The following MYO9B variants were observed in gnomAD, a reference collection of about 807,000 sequenced individuals.
MYO9B encodes unconventional myosin-IXb.
Under a neutral mutation model 229.5 loss-of-function variants are expected in MYO9B, and 71 were observed. The observed-to-expected ratio is 0.31, with a 90% CI of 0.26 to 0.38. MYO9B has a LOEUF of 0.38. MYO9B is among the 10% of genes least tolerant of loss of function. The pLI is 1.00. For synonymous variants in MYO9B, 1,185 were observed against 1,235.8 expected, an observed-to-expected ratio of 0.96 and a Z score of 0.86; for missense variants, 2,255 against 2,920.5, an observed-to-expected ratio of 0.77 and a Z score of 5.25.
intron 2 of MYO9B, among the ~76,000 whole-genome samples, chr19:17,105,066 C>T (rs936938983): frequency 9.2e-5 from 14 of 152,200 alleles, no homozygotes; most frequent in African/African-American, 3.4e-4. Context: ...CCTCCATGAC[C>T]TTTGGCAGCC....
At chr19:17,169,987 GC>G (rs1420061959) in intron 11 of MYO9B, among the ~76,000 whole-genome samples, 1 of 151,624 alleles carries the variant, frequency 6.6e-6, no homozygotes, top group African/African-American at 2.4e-5. Flanking sequence ...GATCACAGGT[GC>G]CTTGCCACCA....
intron 2 of MYO9B, among the ~76,000 whole-genome samples, chr19:17,143,153 C>T (rs1365208635): frequency 2.6e-5 from 4 of 152,024 alleles, no homozygotes; most frequent in South Asian, 2.1e-4. Flanking sequence ...GCACGAGAAT[C>T]GCTTGAACCC....
chr19:17,170,988 A>AT (rs75472839), intron 11 of MYO9B, among the ~76,000 whole-genome samples: 9 of 150,340 alleles, frequency 6.0e-5, no homozygotes, highest in Non-Finnish European at 1.2e-4. Context: ...TCATCATGGA[A>AT]TTTTTTTTTT....
chr19:17,179,649 A>G (rs575472069), intron 14 of MYO9B, among the ~76,000 whole-genome samples: 1 of 149,594 alleles, frequency 6.7e-6, no homozygotes, highest in South Asian at 2.1e-4. Flanking sequence ...CTGGTCTTGA[A>G]CTCCCTACCT....
At chr19:17,146,155 GTGGATAGATGGATGGATGGA>G (rs1469706512) in intron 3 of MYO9B, among the ~76,000 whole-genome samples, 1,763 of 145,944 alleles carry the variant, frequency 0.012, 57 homozygotes, top group African/African-American at 0.04. Context: ...GAATGGGTGG[GTGGATAGATGGATGGATGGA>G]TGGATGGATG....
At chr19:17,185,642 G>C (rs1248087820) in intron 17 of MYO9B, among the ~76,000 whole-genome samples, 1 of 152,066 alleles carries the variant, frequency 6.6e-6, no homozygotes, top group Admixed American at 6.6e-5. Context: ...GCGTTTGTCT[G>C]GTCCTCCCCA....
rs753276740 is a variant in MYO9B at position 17,181,055 on chromosome 19, A to G, written c.2333+15A>G. 1.2e-5 allele frequency: 19 copies of G among 1,572,340 alleles called. No homozygotes were observed. The Middle Eastern group carries it at 6.7e-4, about 56-fold the overall frequency. On this transcript the variant is annotated intron_variant, in intron 15 of 39. Transcript: ENST00000682292. ...GCCTTCATCCTGTGAGTCCCCCACC[A>G]AGGCCCTGCTTACAAGTGCGACAAC... is the stretch of plus-strand genomic sequence containing the variant.
At chr19:17,079,597 C>T (rs1176798740) in intron 1 of MYO9B, among the ~76,000 whole-genome samples, 1 of 152,204 alleles carries the variant, frequency 6.6e-6, no homozygotes, top group Non-Finnish European at 1.5e-5. Context: ...CGTTCCCAAG[C>T]ACATACTGCT....
At position 17,193,737 on chromosome 19, in the gene MYO9B, G is replaced by T. The variant is rs1163768484; in HGVS notation, c.3128+675G>T. On this transcript the variant is annotated intron_variant, in intron 21 of 39. Coordinates refer to ENST00000682292, the MANE Select transcript of MYO9B (RefSeq NM_004145.4). The surrounding 1 kb of genome is among the most constrained non-coding windows in gnomAD (Gnocchi z 4.3). ...TACACAAAATTAAAGACTTAGCCAG[G>T]TGTGGTGGTACACACCTGTAGTCCC... Among the ~76,000 whole-genome samples the T allele has an allele frequency of 6.6e-6, 1 of 152,134 alleles. No homozygotes were observed. Among genetic ancestry groups the T allele is most frequent in the African/African-American group, 2.4e-5 (1 of 41,444 alleles).
At chr19:17,106,918 C>G (rs149136875) in intron 2 of MYO9B, among the ~76,000 whole-genome samples, 1,798 of 152,246 alleles carry the variant, frequency 0.012, 46 homozygotes, top group African/African-American at 0.04. Flanking sequence ...CAAAAATTAG[C>G]CAGGTGTGGT....
At chr19:17,141,168 C>T (rs1416350259) in intron 2 of MYO9B, among the ~76,000 whole-genome samples, 1 of 151,954 alleles carries the variant, frequency 6.6e-6, no homozygotes, top group Non-Finnish European at 1.5e-5. Flanking sequence ...AGTATCCATC[C>T]CCCTGTGGAA....
chr19:17,115,365 T>C (rs1249348362), intron 2 of MYO9B, among the ~76,000 whole-genome samples: 4 of 152,042 alleles, frequency 2.6e-5, no homozygotes, highest in Non-Finnish European at 5.9e-5. Context: ...AAATATTTAC[T>C]ACCTGGCCCT....
At chr19:17,110,429 G>A (rs923997453) in intron 2 of MYO9B, among the ~76,000 whole-genome samples, 3 of 152,092 alleles carry the variant, frequency 2.0e-5, no homozygotes, top group Non-Finnish European at 2.9e-5. Flanking sequence ...TTACAGCATC[G>A]GCCATGGGGT....
intron 21 of MYO9B, among the ~76,000 whole-genome samples, chr19:17,194,041 G>A (rs543158200): frequency 6.6e-6 from 1 of 152,094 alleles, no homozygotes; most frequent in Non-Finnish European, 1.5e-5. Context: ...GCTTGGTGGT[G>A]CATGTCTATA....
intron 2 of MYO9B, among the ~76,000 whole-genome samples, chr19:17,126,069 G>C (rs571488549): frequency 6.6e-6 from 1 of 152,130 alleles, no homozygotes; most frequent in African/African-American, 2.4e-5. Flanking sequence ...TGCCTGGCTG[G>C]CATCATCCCC....
At chr19:17,204,227 T>C (rs2073137004) in intron 30 of MYO9B, among the ~76,000 whole-genome samples, 1 of 151,938 alleles carries the variant, frequency 6.6e-6, no homozygotes, top group Non-Finnish European at 1.5e-5. Flanking sequence ...GCGTAACCAG[T>C]GTACCCTCTG....
chr19:17,105,697 C>A (rs941783423), intron 2 of MYO9B, among the ~76,000 whole-genome samples: 2 of 152,096 alleles, frequency 1.3e-5, no homozygotes, highest in East Asian at 3.9e-4. Flanking sequence ...TCTTGTTAGT[C>A]CCCACAAGCT....
At position 17,195,038 on chromosome 19, in the gene MYO9B, T is replaced by C; in HGVS notation, c.3611T>C (p.Leu1204Pro). The change falls in exon 22 of 40, where the codon CTA becomes CCA. Residue 1204 changes from leucine (L) to proline (P), a missense_variant. Leu to Pro is a moderately conservative substitution (Grantham distance 98). Coordinates refer to ENST00000682292, the MANE Select transcript of MYO9B (RefSeq NM_004145.4). The surrounding 1 kb of genome is among the most constrained non-coding windows in gnomAD (Gnocchi z 4.5). ...GAGAGCAGAGAAGATGAAACCCTTC[T>C]AGTCGTAGAGACGGAGGCTGAGAAC... is the stretch of plus-strand genomic sequence containing the variant. ...KKESREDETLLVVETEAENTS... is the reference protein window; with the variant it reads ...KKESREDETLPVVETEAENTS... The C allele has an allele frequency of 1.2e-6, 2 of 1,613,052 alleles. No individual in the cohort carries two copies. Among genetic ancestry groups the C allele is most frequent in the Non-Finnish European group, 1.7e-6 (2 of 1,179,868 alleles).
At chr19:17,107,211 G>A (rs1028838260) in intron 2 of MYO9B, among the ~76,000 whole-genome samples, 4 of 152,154 alleles carry the variant, frequency 2.6e-5, no homozygotes, top group African/African-American at 7.2e-5. Context: ...TCCAGCCTGG[G>A]TGACAGAGCA....
Sources: allele counts gnomAD v4.1 joint callset (sites outside exome capture counted in the v4.1 genomes callset), GRCh38; gene constraint gnomAD v4.1.1; non-coding constraint Gnocchi (gnomAD v3.1); transcripts MANE v1.5; gene names NCBI Gene and HGNC (gene_info 2026-07-23, HGNC 2026-07-21).